Variants in AMD1 observed in about 807,000 individuals in gnomAD.
AMD1 encodes S-adenosylmethionine decarboxylase proenzyme.
In AMD1, 11 loss-of-function variants were observed where a neutral mutation model predicts 40.2. The ratio of observed to expected loss-of-function variants is 0.27; its 90% confidence interval spans 0.17 to 0.45. The LOEUF (loss-of-function observed/expected upper bound fraction) is 0.45, where lower values mean the gene tolerates loss of function less well. Among genes scored for constraint, AMD1 ranks in the 20% least tolerant of loss-of-function variants. The probability of loss-of-function intolerance (pLI) is 1.00; values close to 1 mark genes in which losing one functional copy is unlikely to be tolerated. For missense variants in AMD1, 257 were observed against 410.2 expected, an observed-to-expected ratio of 0.63 and a Z score of 3.23; for synonymous variants, 121 against 130.8, an observed-to-expected ratio of 0.93 and a Z score of 0.51.
upstream of AMD1, among the ~76,000 whole-genome samples, chr6:110,871,740 T>C (rs1437080688): frequency 6.6e-6 from 1 of 152,206 alleles, no homozygotes; most frequent in Non-Finnish European, 1.5e-5. Context: ...AATGTTAGCT[T>C]CTATATGCTT....
At chr6:110,850,425 T>C in the AMD1 span, among the ~76,000 whole-genome samples, 3 of 152,150 alleles carry the variant, frequency 2.0e-5, no homozygotes, top group Admixed American at 2.0e-4. Flanking sequence ...CTCAGAAAAC[T>C]GGTTTCTCTG....
At chr6:110,859,888 G>GCA in the AMD1 span, among the ~76,000 whole-genome samples, 1 of 152,124 alleles carries the variant, frequency 6.6e-6, no homozygotes, top group African/African-American at 2.4e-5. Context: ...GGAGTGCAGT[G>GCA]GTGCGATCTT....
chr6:110,815,237 C>CCT, the AMD1 span: 27 of 1,286,232 alleles, frequency 2.1e-5, no homozygotes, highest in African/African-American at 4.7e-5. Flanking sequence ...CCAACAGCCG[C>CCT]CTCTCGCGCG....
the AMD1 span, among the ~76,000 whole-genome samples, chr6:110,842,812 A>T: frequency 6.6e-6 from 1 of 152,188 alleles, no homozygotes; most frequent in East Asian, 1.9e-4. Context: ...AACAATTCCC[A>T]CAGATATTGA....
In AMD1 at chr6:110,894,995, G is replaced by A. The variant is rs1183009091; in HGVS notation, c.*1379G>A. ...TAATAAAATTCCAAAATACTCAATG[G>A]GAAATGACTAGTAATATAGGCTTTC... On this transcript the variant is annotated 3_prime_UTR_variant, in exon 9 of 9. Transcript: ENST00000368885. 2 of 152,196 alleles carry A rather than the reference G, an allele frequency of 1.3e-5. No individual in the cohort carries two copies. Among genetic ancestry groups the A allele is most frequent in the East Asian group, 1.9e-4 (1 of 5,188 alleles). 9.4% of individuals were successfully genotyped at this position (152,196 alleles called of 1,614,324 possible).
intron 4 of AMD1, 54 bp from the exon 5 acceptor site, chr6:110,892,107 C>T (rs1786054955): frequency 5.1e-6 from 8 of 1,581,464 alleles, no homozygotes; most frequent in Non-Finnish European, 6.9e-6. Flanking sequence ...TAGTAACAAA[C>T]CATCCTATTA....
chr6:110,827,805 C>T, the AMD1 span, among the ~76,000 whole-genome samples: 1 of 149,590 alleles, frequency 6.7e-6, no homozygotes, highest in African/African-American at 2.5e-5. Flanking sequence ...GTTGCTAAAA[C>T]ACACCCTCTC....
At chr6:110,863,278 C>T in the AMD1 span, among the ~76,000 whole-genome samples, 789 of 150,138 alleles carry the variant, frequency 5.3e-3, 6 homozygotes, top group Middle Eastern at 0.025. Flanking sequence ...GAATGAGTCT[C>T]GATTGTAGAT....
the AMD1 span, chr6:110,856,477 A>C: frequency 6.6e-6 from 1 of 152,354 alleles, no homozygotes; most frequent in East Asian, 1.9e-4. Flanking sequence ...AAGCATAGTC[A>C]CTACGCAAGG....
chr6:110,857,121 T>C, the AMD1 span, among the ~76,000 whole-genome samples: 4 of 151,882 alleles, frequency 2.6e-5, no homozygotes, highest in African/African-American at 4.8e-5. Flanking sequence ...CACAGATTGT[T>C]GCCACTGCAC....
chr6:110,851,420 A>G, the AMD1 span, among the ~76,000 whole-genome samples: 14 of 151,492 alleles, frequency 9.2e-5, no homozygotes, highest in Non-Finnish European at 1.6e-4. Context: ...TTTTTTGAAA[A>G]GTTGTGGGGT....
At position 110,874,853 on chromosome 6, in the gene AMD1, A is replaced by C. The variant is rs1409169811; in HGVS notation, c.-253A>C. ...CTCTCTCTAACGGGAAAGCAGCGGAATACAAGAGACTGAACTGTATCTGCC... is the reference window on the plus strand; with the variant it reads ...CTCTCTCTAACGGGAAAGCAGCGGACTACAAGAGACTGAACTGTATCTGCC... On this transcript the variant is annotated 5_prime_UTR_variant, in exon 1 of 9. Coordinates refer to ENST00000368885, the MANE Select transcript of AMD1 (RefSeq NM_001634.6). The C allele has an allele frequency of 2.3e-5, 10 of 442,610 alleles. No individual in the cohort carries two copies. Among genetic ancestry groups the C allele is most frequent in the Non-Finnish European group, 4.1e-5 (10 of 245,332 alleles). The allele number at this position is 442,610 out of a possible 1,614,324, so 27.4% of individuals were successfully genotyped here.
At chr6:110,888,768 C>A in intron 2 of AMD1, 89 bp from the exon 3 acceptor site, 1 of 1,379,606 alleles carries the variant, frequency 7.2e-7, no homozygotes, top group South Asian at 1.4e-5. Flanking sequence ...AAGTACTAGC[C>A]AAAATTGTAA....
the AMD1 span, among the ~76,000 whole-genome samples, chr6:110,866,741 C>T: frequency 6.6e-6 from 1 of 151,714 alleles, no homozygotes; most frequent in South Asian, 2.1e-4. Flanking sequence ...GGGTGTAAGT[C>T]AGAGAGACTT....
chr6:110,874,583 G>T (rs543609161), upstream of AMD1, among the ~76,000 whole-genome samples: 2 of 151,484 alleles, frequency 1.3e-5, no homozygotes, highest in South Asian at 2.1e-4. Flanking sequence ...CTCCCACTCA[G>T]GAGCCGGCCA....
At chr6:110,883,114 C>T (rs1785496974) in intron 1 of AMD1, among the ~76,000 whole-genome samples, 1 of 152,144 alleles carries the variant, frequency 6.6e-6, no homozygotes, top group Non-Finnish European at 1.5e-5. Context: ...GACAGTGAGA[C>T]TGGCTCAGAA....
chr6:110,844,705 C>T, the AMD1 span, among the ~76,000 whole-genome samples: 2 of 151,488 alleles, frequency 1.3e-5, no homozygotes, highest in South Asian at 2.1e-4. Context: ...GGCTTGAACC[C>T]GGGAGGCAGA....
intron 2 of AMD1, chr6:110,888,264 A>G (rs1343856042): frequency 3.3e-5 from 5 of 152,180 alleles, no homozygotes; most frequent in Non-Finnish European, 5.9e-5. Flanking sequence ...TAATGCTTAT[A>G]GTATATATTG....
At chr6:110,862,329 TG>T in the AMD1 span, among the ~76,000 whole-genome samples, 99 of 148,178 alleles carry the variant, frequency 6.7e-4, no homozygotes, top group African/African-American at 2.3e-3. Context: ...GTGATTGTTC[TG>T]TTTTTTTTTT....
Sources: gnomAD v4.1 joint callset for allele counts (sites outside exome capture counted in the v4.1 genomes callset) on GRCh38, gnomAD v4.1.1 for gene constraint, MANE v1.5 for transcripts, NCBI Gene and HGNC (gene_info 2026-07-23, HGNC 2026-07-21) for gene names.